Variants in LRMDA observed in about 807,000 individuals in gnomAD.
LRMDA encodes the protein leucine rich melanocyte differentiation associated, also known as leucine-rich melanocyte differentiation-associated protein.
Under a neutral mutation model 29.8 loss-of-function variants are expected in LRMDA, and 18 were observed. That is an observed-to-expected ratio of 0.60 (90% CI 0.42 to 0.90). LRMDA has a LOEUF of 0.90. Ranked by LOEUF, LRMDA falls within the 40% of genes least tolerant of loss-of-function variation. The pLI is 0.00. For missense variants in LRMDA, 273 were observed against 273.9 expected (o/e 1.00, Z 0.02); for synonymous variants, 125 against 109.4 (o/e 1.14, Z -0.89).
At chr10:76,007,100 T>C (rs553450125) in intron 2 of LRMDA, among the ~76,000 whole-genome samples, 238 of 152,122 alleles carry the variant, frequency 1.6e-3, no homozygotes, top group African/African-American at 5.6e-3. Context: ...CTGTAGCCGA[T>C]GTAACAATCC....
chr10:75,633,046 C>T (rs1841347701), intron 2 of LRMDA, among the ~76,000 whole-genome samples: 1 of 151,946 alleles, frequency 6.6e-6, no homozygotes, highest in Non-Finnish European at 1.5e-5. Context: ...GATGGGATGT[C>T]AGGCTCAGGA....
chr10:76,492,299 T>C (rs1186117746), intron 6 of LRMDA, among the ~76,000 whole-genome samples: 1 of 152,052 alleles, frequency 6.6e-6, no homozygotes, highest in Non-Finnish European at 1.5e-5. Flanking sequence ...ATATTTATTA[T>C]AGTCTTCATA....
intron 2 of LRMDA, among the ~76,000 whole-genome samples, chr10:75,457,369 C>T (rs1844531918): frequency 6.6e-6 from 1 of 152,136 alleles, no homozygotes; most frequent in Non-Finnish European, 1.5e-5. Context: ...AGGGGACAAC[C>T]CCTACAGCGT....
intron 2 of LRMDA, among the ~76,000 whole-genome samples, chr10:75,734,951 G>T (rs1323221408): frequency 6.6e-6 from 1 of 152,174 alleles, no homozygotes; most frequent in Non-Finnish European, 1.5e-5. Flanking sequence ...CTCTCATGCT[G>T]CTCTGCTTTT....
intron 6 of LRMDA, among the ~76,000 whole-genome samples, chr10:76,448,595 G>A (rs1022423305): frequency 3.3e-5 from 5 of 152,030 alleles, no homozygotes; most frequent in East Asian, 3.9e-4. Context: ...GAAATATTCC[G>A]ATATCTCTTT....
At chr10:76,089,797 A>G (rs1354486077) in intron 5 of LRMDA, among the ~76,000 whole-genome samples, 1 of 152,224 alleles carries the variant, frequency 6.6e-6, no homozygotes, top group Non-Finnish European at 1.5e-5. Context: ...AATAGGGAAC[A>G]TAATGATGGA....
intron 2 of LRMDA, among the ~76,000 whole-genome samples, chr10:75,937,733 C>A (rs1017062400): frequency 6.6e-6 from 1 of 152,056 alleles, no homozygotes; most frequent in Admixed American, 6.6e-5. Flanking sequence ...GCGGAGCGGG[C>A]GTGTAAGGAA....
At chr10:75,681,342 G>A (rs1842020710) in intron 2 of LRMDA, among the ~76,000 whole-genome samples, 2 of 152,226 alleles carry the variant, frequency 1.3e-5, no homozygotes, top group South Asian at 4.1e-4. Flanking sequence ...TTCTGGTTGA[G>A]ATTCTGCTTA....
intron 5 of LRMDA, among the ~76,000 whole-genome samples, chr10:76,230,573 A>C (rs958388700): frequency 1.0e-4 from 15 of 150,582 alleles, no homozygotes; most frequent in East Asian, 1.9e-4. Flanking sequence ...AAAAAACCCC[A>C]AAAATCCCAT....
chr10:76,526,169 T>A (rs760018444), intron 6 of LRMDA, among the ~76,000 whole-genome samples: 6 of 152,118 alleles, frequency 3.9e-5, no homozygotes, highest in Non-Finnish European at 8.8e-5. Context: ...CTCTCTCAAA[T>A]CATGAGAAAA....
chr10:75,718,769 A>C (rs1422341444), intron 2 of LRMDA, among the ~76,000 whole-genome samples: 1 of 152,218 alleles, frequency 6.6e-6, no homozygotes, highest in South Asian at 2.1e-4. Context: ...TAAAAGTGGA[A>C]TTTGAATACA....
At chr10:76,287,431 C>T (rs889431652) in intron 5 of LRMDA, among the ~76,000 whole-genome samples, 13 of 152,248 alleles carry the variant, frequency 8.5e-5, no homozygotes, top group Non-Finnish European at 1.8e-4. Flanking sequence ...CTGTATAACA[C>T]AGTGTCTTAT....
At chr10:75,575,392 AAGG>A (rs1012729463) in intron 2 of LRMDA, among the ~76,000 whole-genome samples, 2 of 152,228 alleles carry the variant, frequency 1.3e-5, no homozygotes, top group African/African-American at 4.8e-5. Context: ...CATTTGAGAC[AAGG>A]CTAGTCTCTT....
At chr10:76,392,032 A>T (rs1353355282) in intron 6 of LRMDA, among the ~76,000 whole-genome samples, 1 of 152,228 alleles carries the variant, frequency 6.6e-6, no homozygotes, top group Non-Finnish European at 1.5e-5. Context: ...CTGATTGCTG[A>T]CAAGCTGAGC....
intron 5 of LRMDA, among the ~76,000 whole-genome samples, chr10:76,084,214 T>TTA (rs1849096313): frequency 6.6e-6 from 1 of 152,086 alleles, no homozygotes; most frequent in Admixed American, 6.6e-5. Flanking sequence ...ATTTATTTAT[T>TTA]TGAGACGGAG....
intron 2 of LRMDA, among the ~76,000 whole-genome samples, chr10:75,709,450 ATG>A (rs143567128): frequency 3.4e-5 from 5 of 145,872 alleles, no homozygotes; most frequent in South Asian, 2.2e-4. Flanking sequence ...GTGTATGTGC[ATG>A]TGTGTGTGTG....
intron 4 of LRMDA, among the ~76,000 whole-genome samples, chr10:76,054,491 T>C (rs1011038903): frequency 6.6e-6 from 1 of 152,142 alleles, no homozygotes; most frequent in African/African-American, 2.4e-5. Flanking sequence ...TGAGGCAAAA[T>C]GACAATGTGC....
At chr10:75,620,727 G>A (rs1235900447) in intron 2 of LRMDA, among the ~76,000 whole-genome samples, 1 of 152,206 alleles carries the variant, frequency 6.6e-6, no homozygotes, top group Non-Finnish European at 1.5e-5. Flanking sequence ...CCATCTTAGT[G>A]ACTGTGAGTT....
At chr10:75,998,670 G>A (rs1049710121) in intron 2 of LRMDA, among the ~76,000 whole-genome samples, 14 of 152,204 alleles carry the variant, frequency 9.2e-5, no homozygotes, top group East Asian at 7.7e-4. Context: ...CCACATAGCC[G>A]GGTGGTGGGA....
Sources: allele counts gnomAD v4.1 joint callset (sites outside exome capture counted in the v4.1 genomes callset), GRCh38; gene constraint gnomAD v4.1.1; transcripts MANE v1.5; gene names NCBI Gene and HGNC (gene_info 2026-07-23, HGNC 2026-07-21).